WIPI2: variants seen among roughly 807,000 people sequenced by gnomAD.
WIPI2 encodes the protein WD repeat domain phosphoinositide-interacting protein 2.
In WIPI2, 28 loss-of-function variants were observed where a neutral mutation model predicts 52.3. That is an observed-to-expected ratio of 0.54 (90% CI 0.40 to 0.73). The LOEUF is 0.73. WIPI2 is among the 30% of genes least tolerant of loss of function. WIPI2 has a pLI of 0.00. For missense variants in WIPI2, 506 were observed against 602.9 expected (o/e 0.84, Z 1.68); for synonymous variants, 268 against 245.0 (o/e 1.09, Z -0.88).
intron 7 of WIPI2, among the ~76,000 whole-genome samples, chr7:5,220,475 G>A (rs547337160): frequency 6.6e-6 from 1 of 151,658 alleles, no homozygotes; most frequent in Admixed American, 6.6e-5. Flanking sequence ...TCCTGACCTC[G>A]TGATCCACCC....
At chr7:5,207,492 T>A (rs1311268170) in intron 3 of WIPI2, among the ~76,000 whole-genome samples, 1 of 152,208 alleles carries the variant, frequency 6.6e-6, no homozygotes, top group African/African-American at 2.4e-5. Flanking sequence ...ATTTGCCCAG[T>A]ATGTGAATAT....
chr7:5,225,733 C>T (rs748303617), intron 8 of WIPI2, 90 bp from the exon 9 acceptor site: 9 of 860,842 alleles, frequency 1.0e-5, no homozygotes, highest in Admixed American at 4.4e-5. Context: ...CAAGTGTGCC[C>T]GTGACAGGAA....
At chr7:5,198,783 C>T (rs1293965844) in intron 2 of WIPI2, among the ~76,000 whole-genome samples, 3 of 152,116 alleles carry the variant, frequency 2.0e-5, no homozygotes, top group Non-Finnish European at 2.9e-5. Flanking sequence ...ATTTTCCCTC[C>T]ACTTTATTGT....
Position 5,225,926 on chromosome 7 carries a change from G to T in WIPI2, c.844G>T (p.Glu282Ter). The T allele has an allele frequency of 6.2e-7, 1 of 1,613,078 alleles. No individual in the cohort carries two copies. The highest frequency in any genetic ancestry group is 8.5e-7 in the Non-Finnish European group (1 of 1,179,570). Residue 282 changes from glutamate (E) to a stop codon, truncating the protein, a stop_gained, in exon 9 of 13, where the codon GAA becomes TAA. Transcript: ENST00000288828. LOFTEE classifies it high-confidence loss of function. ...CATCTTCAAACTCGAGACTGTGAAA[G>T]AAAAGTGAGTTGCAAATATACGTTT... ...VHIFKLETVK[E>*]KPPEEPTTWT...
intron 2 of WIPI2, among the ~76,000 whole-genome samples, chr7:5,199,097 C>A (rs529692967): frequency 6.6e-6 from 1 of 152,178 alleles, no homozygotes; most frequent in African/African-American, 2.4e-5. Flanking sequence ...AATCTTAGCT[C>A]ACTGCAGCCT....
At chr7:5,191,000 TTTTG>T (rs772227327) in intron 1 of WIPI2, among the ~76,000 whole-genome samples, 7 of 151,460 alleles carry the variant, frequency 4.6e-5, no homozygotes, top group Non-Finnish European at 7.4e-5. Context: ...CTCACTGTTT[TTTTG>T]TTTGTTTTTG....
chr7:5,190,631 G>C, intron 1 of WIPI2, 138 bp downstream of exon 1: 1 of 843,642 alleles, frequency 1.2e-6, no homozygotes, highest in Middle Eastern at 3.6e-4. Flanking sequence ...GCGTCCCCAG[G>C]GGCGGGCCCG....
At chr7:5,216,511 G>A (rs568904865) in intron 4 of WIPI2, 52 bp from the exon 5 acceptor site, 2 of 1,415,132 alleles carry the variant, frequency 1.4e-6, no homozygotes, top group African/African-American at 1.4e-5. Context: ...ATTGGGGCAG[G>A]TATTGCACTG....
rs764733842 is a variant in WIPI2, at chr7:5,230,936, C to T, written c.1354C>T (p.Arg452Trp). 1.4e-5 allele frequency: 22 copies of T among 1,611,448 alleles called. No homozygotes were observed. The highest frequency in any genetic ancestry group is 1.2e-4 in the Admixed American group (7 of 59,692). ...CAGCGAGCACCCGCCCATGATTCTTCGGACTGACTGAACTTGACCTGTGAC... is the reference window on the plus strand; with the variant it reads ...CAGCGAGCACCCGCCCATGATTCTTTGGACTGACTGAACTTGACCTGTGAC... ...EDSEHPPMIL[R>W]TD The change falls in exon 13 of 13, where the codon CGG (arginine) becomes TGG (tryptophan). Residue 452 changes from arginine (R) to tryptophan (W), a missense_variant. Arg to Trp is a moderately radical substitution (Grantham distance 101). Transcript: ENST00000288828. This position sits in a 1 kb window ranked among gnomAD's most constrained non-coding sequence, Gnocchi z 4.8.
chr7:5,213,665 TTTGTTGTTGTTGTTG>T (rs149745229), intron 3 of WIPI2, among the ~76,000 whole-genome samples: 2 of 55,870 alleles, frequency 3.6e-5, no homozygotes, highest in East Asian at 1.1e-3. Flanking sequence ...TTTTCTTTGT[TTTGTTGTTGTTGTTG>T]TTGTTGTTGT....
chr7:5,191,044 G>T (rs1781458731), intron 1 of WIPI2, among the ~76,000 whole-genome samples: 1 of 152,032 alleles, frequency 6.6e-6, no homozygotes, highest in South Asian at 2.1e-4. Context: ...TTTTGAGACA[G>T]AGTCTTGCTC....
chr7:5,216,799 C>T (rs1455336314), intron 5 of WIPI2, 140 bp downstream of exon 5: 16 of 822,102 alleles, frequency 1.9e-5, no homozygotes, highest in Non-Finnish European at 2.7e-5. Context: ...ACCAAGCTGC[C>T]TTCCTACTGA....
At chr7:5,216,721 A>G in intron 5 of WIPI2, 62 bp downstream of exon 5, 1 of 1,506,818 alleles carries the variant, frequency 6.6e-7, no homozygotes, top group East Asian at 2.3e-5. Flanking sequence ...AGATAGCTAT[A>G]GGTGAGAGAG....
chr7:5,214,423 G>C, intron 3 of WIPI2, 112 bp from the exon 4 acceptor site: 1 of 1,611,262 alleles, frequency 6.2e-7, no homozygotes, highest in East Asian at 2.2e-5. Flanking sequence ...GGCACCCTCA[G>C]CGCTGTGCCC....
At chr7:5,224,946 G>A (rs563654483) in intron 8 of WIPI2, among the ~76,000 whole-genome samples, 2 of 152,238 alleles carry the variant, frequency 1.3e-5, no homozygotes, top group African/African-American at 4.8e-5. Flanking sequence ...GCATTAAGGC[G>A]AGAACATTCC....
chr7:5,217,294 T>A, intron 6 of WIPI2, 107 bp downstream of exon 6: 1 of 1,146,496 alleles, frequency 8.7e-7, no homozygotes, highest in East Asian at 2.5e-5. Context: ...ATACAACCGC[T>A]GCACTTTTTT....
chr7:5,222,769 T>G, intron 8 of WIPI2, 97 bp downstream of exon 8: 1 of 1,214,020 alleles, frequency 8.2e-7, no homozygotes, highest in Non-Finnish European at 1.2e-6. Flanking sequence ...CCCAGGAGAA[T>G]TCCACACGAG....
intron 7 of WIPI2, among the ~76,000 whole-genome samples, chr7:5,221,251 G>A (rs1006311939): frequency 1.3e-5 from 2 of 151,888 alleles, no homozygotes; most frequent in Non-Finnish European, 2.9e-5. Flanking sequence ...GTGAGTCACC[G>A]CACCTGGCCC....
chr7:5,195,529 AAAAT>A lies in WIPI2; in HGVS notation c.128+2370_128+2373del, dbSNP rs546627687. On this transcript the variant is annotated intron_variant, in intron 2 of 12. Transcript: ENST00000288828. ...AAATAAATCCCACTCTGTTGACTTA[AAAAT>A]AAATAAATAAACATTTTTTGGCAAT... Among the ~76,000 whole-genome samples, 6 of 152,350 alleles carry A rather than the reference AAAAT, an allele frequency of 3.9e-5. No homozygotes were observed. In the South Asian group the frequency reaches 1.0e-3, roughly 26 times the overall value.
Sources: allele counts gnomAD v4.1 joint callset (sites outside exome capture counted in the v4.1 genomes callset), GRCh38; gene constraint gnomAD v4.1.1; non-coding constraint Gnocchi (gnomAD v3.1); transcripts MANE v1.5; gene names NCBI Gene and HGNC (gene_info 2026-07-23, HGNC 2026-07-21).